The following ADGRL2 variants were observed in gnomAD, a reference collection of about 807,000 sequenced individuals.
ADGRL2 encodes the protein adhesion G protein-coupled receptor L2.
In ADGRL2, 44 loss-of-function variants were observed where a neutral mutation model predicts 157.4. That is an observed-to-expected ratio of 0.28 (90% CI 0.22 to 0.36). The LOEUF is 0.36. ADGRL2 is among the 10% of genes least tolerant of loss of function. The pLI, the probability that ADGRL2 is intolerant of heterozygous loss-of-function variation, is 1.00. For synonymous variants in ADGRL2, 585 were observed against 624.7 expected, an observed-to-expected ratio of 0.94 and a Z score of 0.95; for missense variants, 1,510 against 1,768.9, an observed-to-expected ratio of 0.85 and a Z score of 2.63.
chr1:81,339,709 C>G (rs1465832545), intron 1 of ADGRL2, among the ~76,000 whole-genome samples: 1 of 152,166 alleles, frequency 6.6e-6, no homozygotes, highest in African/African-American at 2.4e-5. Context: ...TAGCTCCCAC[C>G]TGTTATACAC....
At chr1:81,552,623 A>T (rs1400287634) in intron 2 of ADGRL2, among the ~76,000 whole-genome samples, 2 of 150,680 alleles carry the variant, frequency 1.3e-5, no homozygotes, top group Non-Finnish European at 3.0e-5. Context: ...AAAAAAAAAA[A>T]ACAGAAAAGA....
chr1:81,367,274 T>C (rs1435823114), intron 1 of ADGRL2, among the ~76,000 whole-genome samples: 3 of 152,172 alleles, frequency 2.0e-5, no homozygotes, highest in Non-Finnish European at 2.9e-5. Flanking sequence ...GTTACATACA[T>C]AGGTAAAGTG....
At chr1:81,878,264 G>A (rs61772829) in intron 2 of ADGRL2, among the ~76,000 whole-genome samples, 20 of 152,076 alleles carry the variant, frequency 1.3e-4, no homozygotes, top group Non-Finnish European at 2.6e-4. Context: ...ACATAGATAG[G>A]GGACAGCCTA....
chr1:81,691,946 C>CTA (rs1260815638), intron 3 of ADGRL2, among the ~76,000 whole-genome samples: 1 of 141,984 alleles, frequency 7.0e-6, no homozygotes, highest in Non-Finnish European at 1.5e-5. Context: ...ATACAGATAT[C>CTA]TATATACACA....
chr1:81,578,811 A>C (rs2080847506), intron 2 of ADGRL2, among the ~76,000 whole-genome samples: 1 of 152,076 alleles, frequency 6.6e-6, no homozygotes, highest in Admixed American at 6.6e-5. Context: ...ACAGTTCATT[A>C]TTTTTCTATT....
At chr1:81,369,578 C>T (rs1462819109) in intron 1 of ADGRL2, among the ~76,000 whole-genome samples, 2 of 152,112 alleles carry the variant, frequency 1.3e-5, no homozygotes, top group African/African-American at 2.4e-5. Context: ...CTTCTGAAAG[C>T]AATCTTGCTT....
At chr1:81,620,363 A>C (rs976303240) in intron 3 of ADGRL2, among the ~76,000 whole-genome samples, 2 of 152,242 alleles carry the variant, frequency 1.3e-5, no homozygotes, top group Non-Finnish European at 2.9e-5. Context: ...TATGAAGTAC[A>C]TGGTTTTATG....
chr1:81,358,495 A>G (rs980439163), intron 1 of ADGRL2, among the ~76,000 whole-genome samples: 1 of 152,198 alleles, frequency 6.6e-6, no homozygotes, highest in Non-Finnish European at 1.5e-5. Context: ...TCCCAATTCA[A>G]AAACAGATAT....
intron 2 of ADGRL2, among the ~76,000 whole-genome samples, chr1:81,463,732 C>T (rs2077990684): frequency 1.3e-5 from 2 of 152,278 alleles, no homozygotes; most frequent in South Asian, 4.1e-4. Context: ...GCAATTGGCC[C>T]TCAACTACTT....
At chr1:81,429,427 C>G (rs544144682) in intron 1 of ADGRL2, among the ~76,000 whole-genome samples, 2 of 152,240 alleles carry the variant, frequency 1.3e-5, no homozygotes, top group Admixed American at 1.3e-4. Context: ...GGAGGAGGGT[C>G]TATATTCCTG....
chr1:81,887,330 T>C (rs2094149163), intron 2 of ADGRL2, among the ~76,000 whole-genome samples: 1 of 152,178 alleles, frequency 6.6e-6, no homozygotes, highest in African/African-American at 2.4e-5. Context: ...TATCCTTGGT[T>C]CCAATTTTTT....
chr1:81,368,534 T>A (rs2076106480), intron 1 of ADGRL2, among the ~76,000 whole-genome samples: 1 of 152,216 alleles, frequency 6.6e-6, no homozygotes, highest in South Asian at 2.1e-4. Flanking sequence ...GCTGGAATAA[T>A]TGATTTAAAT....
intron 2 of ADGRL2, among the ~76,000 whole-genome samples, chr1:81,519,852 A>T (rs1225602039): frequency 6.6e-6 from 1 of 152,194 alleles, no homozygotes; most frequent in Admixed American, 6.6e-5. Flanking sequence ...CAGCCCCAGA[A>T]GATAAATCAA....
chr1:81,568,171 A>G (rs1010849436), intron 2 of ADGRL2, among the ~76,000 whole-genome samples: 1 of 152,130 alleles, frequency 6.6e-6, no homozygotes, highest in African/African-American at 2.4e-5. Flanking sequence ...TTCCACTGTT[A>G]AAAAAGGAAA....
intron 2 of ADGRL2, among the ~76,000 whole-genome samples, chr1:81,851,762 G>GTGTGTGTGTA (rs1368892807): frequency 2.8e-5 from 4 of 143,972 alleles, no homozygotes; most frequent in African/African-American, 1.0e-4. Context: ...GTGTGTGTGT[G>GTGTGTGTGTA]TATGTGTATG....
upstream of ADGRL2, among the ~76,000 whole-genome samples, chr1:81,697,005 A>G (rs2149014564): frequency 6.6e-6 from 1 of 152,350 alleles, no homozygotes. Context: ...TTTTCTCTTC[A>G]AAAGAGAATA....
chr1:81,609,694 G>T (rs1490447506), intron 3 of ADGRL2, among the ~76,000 whole-genome samples: 1 of 152,180 alleles, frequency 6.6e-6, no homozygotes, highest in African/African-American at 2.4e-5. Context: ...TATTCCAGAA[G>T]AAGTATTCTG....
At chr1:81,511,797 A>T (rs904469198) in intron 2 of ADGRL2, among the ~76,000 whole-genome samples, 14 of 148,652 alleles carry the variant, frequency 9.4e-5, no homozygotes, top group Non-Finnish European at 1.5e-4. Flanking sequence ...ATGTTCCGGA[A>T]TTTTTTTTTT....
At chr1:81,459,947 A>AT (rs1436240861) in intron 2 of ADGRL2, among the ~76,000 whole-genome samples, 4 of 151,890 alleles carry the variant, frequency 2.6e-5, no homozygotes, top group Non-Finnish European at 4.4e-5. Flanking sequence ...CAGCTGCACA[A>AT]TTTTGCATTC....
Sources: gnomAD v4.1 joint callset for allele counts (sites outside exome capture counted in the v4.1 genomes callset) on GRCh38, gnomAD v4.1.1 for gene constraint, MANE v1.5 for transcripts, NCBI Gene and HGNC (gene_info 2026-07-23, HGNC 2026-07-21) for gene names.